Variants in UST observed in about 807,000 individuals in gnomAD.
UST encodes the protein uronyl 2-sulfotransferase.
In UST, 21 loss-of-function variants were observed where a neutral mutation model predicts 45.6. That is an observed-to-expected ratio of 0.46 (90% CI 0.33 to 0.66). The LOEUF is 0.66. Ranked by LOEUF, UST falls within the 30% of genes least tolerant of loss-of-function variation. The probability of loss-of-function intolerance (pLI) is 0.02; values close to 1 mark genes in which losing one functional copy is unlikely to be tolerated. For synonymous variants in UST, 215 were observed against 200.6 expected, an observed-to-expected ratio of 1.07 and a Z score of -0.61; for missense variants, 463 against 512.4, an observed-to-expected ratio of 0.90 and a Z score of 0.93.
At chr6:148,895,920 T>A (rs937498453) in intron 2 of UST, among the ~76,000 whole-genome samples, 1 of 152,260 alleles carries the variant, frequency 6.6e-6, no homozygotes, top group African/African-American at 2.4e-5. Context: ...TTTTTTCCCC[T>A]TTTAATAACT....
At chr6:149,039,615 G>C (rs967320277) in intron 7 of UST, among the ~76,000 whole-genome samples, 3 of 152,224 alleles carry the variant, frequency 2.0e-5, no homozygotes, top group Admixed American at 6.5e-5. Flanking sequence ...GGGTCTCATA[G>C]CTGGTGCAAG....
chr6:149,021,364 G>A lies in UST; in HGVS notation c.820G>A (p.Val274Met), dbSNP rs755609661. 33 of 1,613,956 alleles carry A rather than the reference G, an allele frequency of 2.0e-5. No individual in the cohort carries two copies. Among genetic ancestry groups the A allele is most frequent in the African/African-American group, 4.0e-5 (3 of 74,922 alleles). The part of the protein sequence containing the change: ...EWALERAKLN[V>M]NENFLLVGIL... ...GGCCCTTGAGAGAGCAAAGCTGAACGTGAATGAAAACTTCCTGCTCGTGGG... is the reference window on the plus strand; with the variant it reads ...GGCCCTTGAGAGAGCAAAGCTGAACATGAATGAAAACTTCCTGCTCGTGGG... Residue 274 changes from valine (V) to methionine (M), a missense_variant, in exon 7 of 8, where the codon GTG (valine) becomes ATG (methionine). Coordinates refer to ENST00000367463, the MANE Select transcript of UST (RefSeq NM_005715.3).
chr6:148,949,646 G>A (rs1780325688), intron 3 of UST, among the ~76,000 whole-genome samples: 3 of 152,048 alleles, frequency 2.0e-5, no homozygotes, highest in Admixed American at 2.0e-4. Context: ...AGATAATTCT[G>A]TCTTCAGTTA....
chr6:148,924,819 G>A (rs575141193), intron 2 of UST, among the ~76,000 whole-genome samples: 27 of 152,258 alleles, frequency 1.8e-4, no homozygotes, highest in African/African-American at 6.3e-4. Context: ...CAGCCAGGCT[G>A]CATGAATTCA....
intron 2 of UST, among the ~76,000 whole-genome samples, chr6:148,912,945 G>A (rs1330862370): frequency 6.6e-6 from 1 of 152,202 alleles, no homozygotes; most frequent in East Asian, 1.9e-4. Flanking sequence ...TGGGAATCTT[G>A]TGAAAATGCA....
intron 5 of UST, among the ~76,000 whole-genome samples, chr6:149,014,651 C>T (rs1775867388): frequency 6.6e-6 from 1 of 152,172 alleles, no homozygotes; most frequent in Non-Finnish European, 1.5e-5. Context: ...GTTAACTCTC[C>T]CCGCCAGAAA....
intron 1 of UST, among the ~76,000 whole-genome samples, chr6:148,750,991 T>C (rs571418736): frequency 2.0e-5 from 3 of 152,220 alleles, no homozygotes; most frequent in Middle Eastern, 6.8e-3. Context: ...CAAATGTACA[T>C]GCTAAGGTCT....
chr6:148,939,110 T>C (rs1236770594), intron 2 of UST, among the ~76,000 whole-genome samples: 1 of 152,138 alleles, frequency 6.6e-6, no homozygotes, highest in African/African-American at 2.4e-5. Flanking sequence ...AGAATTCTAT[T>C]TATAATGACA....
chr6:148,967,831 C>T (rs1780833128), intron 5 of UST, among the ~76,000 whole-genome samples: 1 of 152,244 alleles, frequency 6.6e-6, no homozygotes, highest in South Asian at 2.1e-4. Context: ...CTGCCCCTGG[C>T]CCTGAGCCTC....
intron 6 of UST, 106 bp from the exon 7 acceptor site, chr6:149,021,218 G>A: frequency 1.6e-6 from 2 of 1,271,250 alleles, no homozygotes; most frequent in Non-Finnish European, 1.1e-6. Context: ...AACAGGATTT[G>A]GACTTATGCA....
intron 1 of UST, among the ~76,000 whole-genome samples, chr6:148,766,771 G>A (rs1386006102): frequency 1.3e-5 from 2 of 152,206 alleles, no homozygotes; most frequent in African/African-American, 4.8e-5. Context: ...ATTTGGTCAA[G>A]GGTGTATGTG....
At chr6:148,798,850 G>GGATT (rs1338099960) in intron 1 of UST, among the ~76,000 whole-genome samples, 2 of 131,456 alleles carry the variant, frequency 1.5e-5, no homozygotes, top group African/African-American at 6.1e-5. Flanking sequence ...GGAGGAGATA[G>GGATT]GATTTATTTA....
chr6:148,834,550 T>C (rs978555110), intron 1 of UST, among the ~76,000 whole-genome samples: 7 of 151,978 alleles, frequency 4.6e-5, no homozygotes, highest in South Asian at 4.2e-4. Context: ...GCCTGAGCAA[T>C]ATGACGAAAC....
chr6:149,024,340 A>T (rs1465503949), intron 7 of UST, among the ~76,000 whole-genome samples: 1 of 152,140 alleles, frequency 6.6e-6, no homozygotes, highest in Non-Finnish European at 1.5e-5. Context: ...TTTAAATATC[A>T]CCCTAGCATA....
At chr6:148,993,644 T>A (rs9390648) in intron 5 of UST, among the ~76,000 whole-genome samples, 2 of 151,978 alleles carry the variant, frequency 1.3e-5, no homozygotes, top group Non-Finnish European at 2.9e-5. Context: ...AGTGATCAGA[T>A]CATTGACGCA....
intron 2 of UST, among the ~76,000 whole-genome samples, chr6:148,903,534 C>G (rs888553330): frequency 1.3e-5 from 2 of 152,172 alleles, no homozygotes; most frequent in African/African-American, 4.8e-5. Context: ...TGTGATCTTG[C>G]ACTCAGGAAC....
intron 1 of UST, among the ~76,000 whole-genome samples, chr6:148,756,535 A>T (rs986649857): frequency 2.0e-5 from 3 of 152,202 alleles, no homozygotes; most frequent in Non-Finnish European, 2.9e-5. Flanking sequence ...TAATTTCCCC[A>T]AAACTGCCAC....
At chr6:148,900,266 A>G (rs1217762816) in intron 2 of UST, among the ~76,000 whole-genome samples, 2 of 152,026 alleles carry the variant, frequency 1.3e-5, no homozygotes, top group Admixed American at 6.5e-5. Flanking sequence ...CCTCATGCTC[A>G]GGTGTGTCTT....
intron 3 of UST, among the ~76,000 whole-genome samples, chr6:148,943,740 C>T (rs928685438): frequency 9.9e-5 from 15 of 152,064 alleles, no homozygotes; most frequent in African/African-American, 3.4e-4. Flanking sequence ...TGAAACATTT[C>T]TGATTCCTGT....
Sources: allele counts gnomAD v4.1 joint callset (sites outside exome capture counted in the v4.1 genomes callset), GRCh38; gene constraint gnomAD v4.1.1; transcripts MANE v1.5; gene names NCBI Gene and HGNC (gene_info 2026-07-23, HGNC 2026-07-21).